KDM1A: variants seen among roughly 807,000 people sequenced by gnomAD.
KDM1A encodes the protein lysine-specific histone demethylase 1A.
KDM1A carries 49 observed loss-of-function variants against 109.4 expected under a neutral mutation model. The observed-to-expected ratio is 0.45, with a 90% CI of 0.36 to 0.57. The LOEUF is 0.57. Among genes scored for constraint, KDM1A ranks in the 20% least tolerant of loss-of-function variants. The probability of loss-of-function intolerance (pLI) is 0.00; values close to 1 mark genes in which losing one functional copy is unlikely to be tolerated. For synonymous variants in KDM1A, 380 were observed against 415.4 expected (o/e 0.91, Z 1.04); for missense variants, 668 against 1,116.6 (o/e 0.60, Z 5.73).
rs1030731910 is a variant in KDM1A at position 23,065,997 on chromosome 1, C to T, written c.1168-63C>T. The T allele has an allele frequency of 1.1e-5, 18 of 1,594,618 alleles. No individual in the cohort carries two copies. The African/African-American group carries it at 2.2e-4, about 19-fold the overall frequency. ...TTTATTGCTGTCATACAAAACTAAACTTGATGTGGCTGTTGGGCTGTTATT... is the reference window on the plus strand; with the variant it reads ...TTTATTGCTGTCATACAAAACTAAATTTGATGTGGCTGTTGGGCTGTTATT... On this transcript the variant is annotated intron_variant, in intron 9 of 20. Transcript: ENST00000400181.
chr1:23,081,601 A>G (rs763456902), intron 19 of KDM1A, 28 bp downstream of exon 19: 10 of 1,613,272 alleles, frequency 6.2e-6, no homozygotes, highest in Non-Finnish European at 8.5e-6. Flanking sequence ...GCAAGGAGGG[A>G]TCTAGGGTTC....
intron 2 of KDM1A, among the ~76,000 whole-genome samples, chr1:23,033,469 C>T (rs1220216374): frequency 6.6e-6 from 1 of 152,050 alleles, no homozygotes; most frequent in Non-Finnish European, 1.5e-5. Context: ...TTGCAGTGAT[C>T]TGAGATTGTG....
At chr1:23,062,467 G>A (rs1643027570) in intron 9 of KDM1A, among the ~76,000 whole-genome samples, 1 of 152,200 alleles carries the variant, frequency 6.6e-6, no homozygotes, top group Non-Finnish European at 1.5e-5. Flanking sequence ...TCTGTTGTTA[G>A]TATGTAGAAA....
intron 10 of KDM1A, among the ~76,000 whole-genome samples, chr1:23,067,970 C>T (rs1029754485): frequency 2.6e-5 from 4 of 152,112 alleles, no homozygotes; most frequent in Non-Finnish European, 5.9e-5. Flanking sequence ...CTTATTGGTG[C>T]CATAAAATAT....
chr1:23,045,888 T>C (rs1012762419), intron 3 of KDM1A, among the ~76,000 whole-genome samples: 3 of 152,158 alleles, frequency 2.0e-5, no homozygotes, highest in African/African-American at 2.4e-5. Context: ...ATTTGTGAAA[T>C]GATCAATCAG....
chr1:23,057,739 A>G, intron 8 of KDM1A, 174 bp downstream of exon 8: 1 of 400,996 alleles, frequency 2.5e-6, no homozygotes, highest in Non-Finnish European at 4.6e-6. Context: ...GACCTAGAGT[A>G]CCTTTTTCTA....
chr1:23,038,509 T>A (rs1642216922), intron 2 of KDM1A, among the ~76,000 whole-genome samples: 1 of 152,200 alleles, frequency 6.6e-6, no homozygotes, highest in African/African-American at 2.4e-5. Flanking sequence ...ATTGTAAGCT[T>A]TCTCTGGAAC....
intron 10 of KDM1A, among the ~76,000 whole-genome samples, chr1:23,067,015 T>G (rs952842638): frequency 1.3e-5 from 2 of 152,310 alleles, no homozygotes; most frequent in African/African-American, 4.8e-5. Flanking sequence ...AGCTCTTTTT[T>G]TGGCCATTGA....
At chr1:23,071,405 G>GAAATAGC in intron 13 of KDM1A, 46 bp downstream of exon 13, 3 of 1,547,230 alleles carry the variant, frequency 1.9e-6, no homozygotes, top group Non-Finnish European at 1.7e-6. Context: ...GGAATCCTAA[G>GAAATAGC]AAATAGCACA....
At chr1:23,071,483 T>C in intron 13 of KDM1A, 124 bp downstream of exon 13, 1 of 866,106 alleles carries the variant, frequency 1.2e-6, no homozygotes, top group Non-Finnish European at 1.8e-6. Context: ...ATGAAGACGA[T>C]TTGGTACATA....
chr1:23,069,503 TA>T (rs954543564), intron 12 of KDM1A, among the ~76,000 whole-genome samples: 24 of 152,046 alleles, frequency 1.6e-4, no homozygotes, highest in South Asian at 4.2e-4. Context: ...CTAATGAGCT[TA>T]AAAAAAATGG....
chr1:23,061,066 T>C (rs968166243), intron 9 of KDM1A, among the ~76,000 whole-genome samples: 1 of 152,210 alleles, frequency 6.6e-6, no homozygotes, highest in African/African-American at 2.4e-5. Context: ...AGTAGAGATA[T>C]CCAGAGAAAT....
intron 10 of KDM1A, among the ~76,000 whole-genome samples, chr1:23,067,025 A>G (rs1384869304): frequency 6.6e-6 from 1 of 152,122 alleles, no homozygotes; most frequent in Non-Finnish European, 1.5e-5. Context: ...TTGGCCATTG[A>G]GTTGAATGAG....
At chr1:23,080,200 C>T (rs1461395692) in intron 18 of KDM1A, among the ~76,000 whole-genome samples, 2 of 152,192 alleles carry the variant, frequency 1.3e-5, no homozygotes, top group African/African-American at 4.8e-5. Flanking sequence ...TAACCGTTGG[C>T]TTGCTCCCCA....
chr1:23,020,336 G>A (rs912363593), intron 1 of KDM1A: 1 of 163,204 alleles, frequency 6.1e-6, no homozygotes, highest in Non-Finnish European at 1.3e-5. Flanking sequence ...AAGCTGTTGG[G>A]CGATATTGAT....
At chr1:23,048,460 C>G (rs1446727035) in intron 3 of KDM1A, among the ~76,000 whole-genome samples, 1 of 151,674 alleles carries the variant, frequency 6.6e-6, no homozygotes, top group Non-Finnish European at 1.5e-5. Context: ...AATAAATTAT[C>G]CTGACAGTCT....
intron 13 of KDM1A, 97 bp downstream of exon 13, chr1:23,071,456 C>T (rs1643318065): frequency 1.7e-6 from 2 of 1,181,558 alleles, no homozygotes; most frequent in Non-Finnish European, 2.4e-6. Flanking sequence ...TAGCCAATCA[C>T]AAGTGCCTTC....
intron 2 of KDM1A, among the ~76,000 whole-genome samples, chr1:23,042,438 T>TA (rs1642364750): frequency 5.7e-5 from 3 of 52,884 alleles, no homozygotes; most frequent in Admixed American, 5.0e-4. Context: ...ATGAAATATA[T>TA]TATTTTTTTT....
intron 4 of KDM1A, among the ~76,000 whole-genome samples, chr1:23,050,811 G>T (rs530813309): frequency 2.0e-5 from 3 of 152,038 alleles, no homozygotes; most frequent in African/African-American, 7.2e-5. Flanking sequence ...TAGGCTGGGC[G>T]TGGTGGCTCA....
Sources: allele counts gnomAD v4.1 joint callset (sites outside exome capture counted in the v4.1 genomes callset), GRCh38; gene constraint gnomAD v4.1.1; transcripts MANE v1.5; gene names NCBI Gene and HGNC (gene_info 2026-07-23, HGNC 2026-07-21).